The following MYEF2 variants were observed in gnomAD, a reference collection of about 807,000 sequenced individuals.
The protein encoded by MYEF2 is myelin gene expression factor 2.
A neutral mutation model predicts 75.2 loss-of-function variants in MYEF2; 37 were observed. That is an observed-to-expected ratio of 0.49 (90% CI 0.38 to 0.65). The LOEUF is 0.65. MYEF2 is among the 30% of genes least tolerant of loss of function. The pLI is 0.00. For synonymous variants in MYEF2, 195 were observed against 241.6 expected (o/e 0.81, Z 1.79); for missense variants, 634 against 771.4 (o/e 0.82, Z 2.11).
chr15:48,165,965 C>A lies in MYEF2; in HGVS notation c.493G>T (p.Asp165Tyr). Residue 165 changes from aspartate (D) to tyrosine (Y), a missense_variant, in exon 5 of 17, where the codon GAT becomes TAT. Physicochemically the swap from Asp to Tyr is radical, Grantham distance 160. Coordinates refer to ENST00000324324, the MANE Select transcript of MYEF2 (RefSeq NM_016132.5). ...ATATTAAGGGGTCTTCCACTAAGAT[C>A]ATATTTGTTCATAGTTTCTAGGGCT... ...KKALETMNKY[D>Y]LSGRPLNIKE... is the part of the protein sequence containing the mutation. 1 of 1,591,310 alleles carries A rather than the reference C, an allele frequency of 6.3e-7. No individual in the cohort carries two copies. Among genetic ancestry groups the A allele is most frequent in the Non-Finnish European group, 8.6e-7 (1 of 1,166,388 alleles).
At chr15:48,158,354 TAGCCAC>T in intron 7 of MYEF2, 130 bp from the exon 8 acceptor site, 1 of 775,986 alleles carries the variant, frequency 1.3e-6, no homozygotes. Flanking sequence ...TTATTGATAT[TAGCCAC>T]TTTCATATAC....
rs187025616 is a variant in MYEF2 at position 48,136,488 on chromosome 15, T to C, written c.*6420A>G. Reference sequence around the variant, plus strand: ...AAAAAAAAAAAACAACACAGAAGTGTCCAGCTTTTATCAATAAACATAATA... The same window carrying C: ...AAAAAAAAAAAACAACACAGAAGTGCCCAGCTTTTATCAATAAACATAATA... On this transcript the variant is annotated 3_prime_UTR_variant, in exon 17 of 17. Transcript: ENST00000324324. 1.1e-4 allele frequency: 49 copies of C among 457,104 alleles called. No individual in the cohort carries two copies. The Admixed American group carries it at 1.6e-3, about 15-fold the overall frequency. 28.3% of individuals were successfully genotyped at this position (457,104 alleles called of 1,614,324 possible). A position where few individuals can be genotyped will look rare whatever the true frequency, so the allele number is the denominator to read the frequency against.
chr15:48,173,019 A>G (rs560019184), intron 1 of MYEF2, among the ~76,000 whole-genome samples: 1 of 152,304 alleles, frequency 6.6e-6, no homozygotes, highest in South Asian at 2.1e-4. Context: ...TTACCCTGAT[A>G]ACAACGCAAG....
chr15:48,138,801 A>G lies in MYEF2; in HGVS notation c.*4107T>C, dbSNP rs192837114. On this transcript the variant is annotated 3_prime_UTR_variant, in exon 17 of 17. Coordinates refer to ENST00000324324, the MANE Select transcript of MYEF2 (RefSeq NM_016132.5). ...TTACATTGTCTGCCCTAAAGTTTCAATTAGTTTCTTTTCACCAGCAATATC... is the reference window on the plus strand; with the variant it reads ...TTACATTGTCTGCCCTAAAGTTTCAGTTAGTTTCTTTTCACCAGCAATATC... The G allele has an allele frequency of 5.1e-6, 3 of 587,302 alleles. No individual in the cohort carries two copies. Among genetic ancestry groups the G allele is most frequent in the Admixed American group, 3.0e-5 (1 of 32,808 alleles). 36.4% of individuals were successfully genotyped at this position (587,302 alleles called of 1,614,324 possible). A position where few individuals can be genotyped will look rare whatever the true frequency, so the allele number is the denominator to read the frequency against.
At position 48,148,200 on chromosome 15, in the gene MYEF2, G is replaced by A. The variant is rs891310301; in HGVS notation, c.1639+832C>T. Among the ~76,000 whole-genome samples the A allele has an allele frequency of 3.3e-4, 50 of 151,766 alleles. 1 individual carries two copies. The highest frequency in any genetic ancestry group is 2.9e-4 in the African/African-American group (12 of 41,330). On this transcript the variant is annotated intron_variant, in intron 16 of 16. Transcript: ENST00000324324. The stretch of plus-strand genomic sequence containing the variant: ...GTAATTTCCTATTGTGACTACAGTC[G>A]CTGAGATTCCATGCAATAGCAGAAA...
chr15:48,177,255 G>A (rs1285379577), intron 1 of MYEF2, among the ~76,000 whole-genome samples: 1 of 152,098 alleles, frequency 6.6e-6, no homozygotes, highest in East Asian at 1.9e-4. Flanking sequence ...CCTAGAACCA[G>A]AAATTATTAT....
intron 1 of MYEF2, among the ~76,000 whole-genome samples, chr15:48,174,752 T>C (rs1347626687): frequency 6.6e-6 from 1 of 152,072 alleles, no homozygotes; most frequent in Non-Finnish European, 1.5e-5. Context: ...TATCACTTCA[T>C]ACCTGTTAGG....
Position 48,149,515 on chromosome 15 carries a change from T to G in MYEF2, c.1379-144A>C. 1 of 508,330 alleles carries G rather than the reference T, an allele frequency of 2.0e-6. No individual in the cohort carries two copies. The highest frequency in any genetic ancestry group is 3.3e-6 in the Non-Finnish European group (1 of 300,308). 31.5% of individuals were successfully genotyped at this position (508,330 alleles called of 1,614,324 possible). On this transcript the variant is annotated intron_variant, in intron 14 of 16. Coordinates refer to ENST00000324324, the MANE Select transcript of MYEF2 (RefSeq NM_016132.5). This position sits in a 1 kb window ranked among gnomAD's most constrained non-coding sequence, Gnocchi z 4.0. ...GGGGAAATTAATTTGTTTATATAAT[T>G]AAATAATATAAAAACATAAAATTAT...
chr15:48,148,236 C>T (rs2039363712), intron 16 of MYEF2, among the ~76,000 whole-genome samples: 1 of 151,764 alleles, frequency 6.6e-6, no homozygotes, highest in Admixed American at 6.6e-5. Context: ...AATATTAATA[C>T]TAGCAAAAAA....
chr15:48,175,819 T>G (rs1008553792), intron 1 of MYEF2, among the ~76,000 whole-genome samples: 3 of 152,280 alleles, frequency 2.0e-5, no homozygotes, highest in Admixed American at 1.3e-4. Flanking sequence ...AAAGGAGAGC[T>G]AGTATACCAT....
intron 14 of MYEF2, among the ~76,000 whole-genome samples, chr15:48,150,358 A>G (rs2039446092): frequency 6.6e-6 from 1 of 152,104 alleles, no homozygotes; most frequent in Admixed American, 6.6e-5. Context: ...TCTTAAGCTG[A>G]CAGGATTTTA....
At chr15:48,170,287 A>C (rs1156475572) in intron 1 of MYEF2, among the ~76,000 whole-genome samples, 1 of 151,906 alleles carries the variant, frequency 6.6e-6, no homozygotes, top group East Asian at 1.9e-4. Flanking sequence ...CACTACACCC[A>C]GCTAATTTTT....
In MYEF2 at chr15:48,139,329, C is replaced by T; in HGVS notation, c.*3579G>A. ...ACAAAATGATTAAGTATTACTATAA[C>T]AAGATCACTGGAGTTTGTGAGTTGC... On this transcript the variant is annotated 3_prime_UTR_variant, in exon 17 of 17. Coordinates refer to ENST00000324324, the MANE Select transcript of MYEF2 (RefSeq NM_016132.5). 1.7e-6 allele frequency: 1 copy of T among 584,340 alleles called. No individual in the cohort carries two copies. The highest frequency in any genetic ancestry group is 2.5e-5 in the South Asian group (1 of 40,230). The allele number at this position is 584,340 out of a possible 1,614,324, so 36.2% of individuals were successfully genotyped here.
chr15:48,159,727 CA>C lies in MYEF2; in HGVS notation c.602del (p.Met201ArgfsTer5), dbSNP rs1193617933. 2 of 1,613,368 alleles carry C rather than the reference CA, an allele frequency of 1.2e-6. No individual in the cohort carries two copies. Among genetic ancestry groups the C allele is most frequent in the Non-Finnish European group, 1.7e-6 (2 of 1,179,498 alleles). ...GTGGTAAATTCATCAACCCTGATCC[CA>C]TATCAGGGACGTGTCCTCCTGGAAA... Reference protein sequence around the residue: ...GSFPGGHVPDMGSGLMNLPPS... With the variant: ...GSFPGGHVPDXGSGLMNLPPS... On this transcript the variant is annotated frameshift_variant, in exon 6 of 17. Coordinates refer to ENST00000324324, the MANE Select transcript of MYEF2 (RefSeq NM_016132.5). LOFTEE classifies it high-confidence loss of function.
intron 16 of MYEF2, among the ~76,000 whole-genome samples, chr15:48,145,302 T>C (rs984139823): frequency 6.6e-6 from 1 of 151,874 alleles, no homozygotes; most frequent in Non-Finnish European, 1.5e-5. Flanking sequence ...AAACACCAAC[T>C]GAAATATTTT....
At chr15:48,164,836 T>G (rs1298975511) in intron 5 of MYEF2, among the ~76,000 whole-genome samples, 6 of 152,212 alleles carry the variant, frequency 3.9e-5, no homozygotes, top group Non-Finnish European at 8.8e-5. Context: ...GCATGTATAT[T>G]GTGCTTTTAG....
At chr15:48,150,611 G>T (rs909301620) in intron 14 of MYEF2, among the ~76,000 whole-genome samples, 2 of 151,958 alleles carry the variant, frequency 1.3e-5, no homozygotes, top group East Asian at 3.9e-4. Context: ...ATGCTATTAC[G>T]GGAAAGGTTC....
rs149888645 is a variant in MYEF2 at position 48,158,036 on chromosome 15, A to G, written c.942T>C (p.His314=). 2.2e-5 allele frequency: 35 copies of G among 1,613,050 alleles called. No individual in the cohort carries two copies. Among genetic ancestry groups the G allele is most frequent in the Non-Finnish European group, 2.9e-5 (34 of 1,179,434 alleles). The change falls in exon 9 of 17, where the codon CAT becomes CAC. Residue 314 remains histidine, a synonymous_variant. Transcript: ENST00000324324. ...HVKMDDKSVP[H]EEYRSHDGKT... ...TACCATCATGTGAACGGTACTCTTC[A>G]TGAGGAACAGACTTGTCATCCTAAT... is the stretch of plus-strand genomic sequence containing the variant.
intron 1 of MYEF2, among the ~76,000 whole-genome samples, chr15:48,175,463 T>C (rs565264878): frequency 6.6e-6 from 1 of 152,314 alleles, no homozygotes; most frequent in South Asian, 2.1e-4. Flanking sequence ...TTAAGTATTT[T>C]CAACACCAAA....
Sources: gnomAD v4.1 joint callset for allele counts (sites outside exome capture counted in the v4.1 genomes callset) on GRCh38, gnomAD v4.1.1 for gene constraint, Gnocchi (gnomAD v3.1) non-coding constraint, MANE v1.5 for transcripts, NCBI Gene and HGNC (gene_info 2026-07-23, HGNC 2026-07-21) for gene names.